TFEC: variants seen among roughly 807,000 people sequenced by gnomAD.
TFEC encodes class E basic helix-loop-helix protein 34.
A neutral mutation model predicts 41.6 loss-of-function variants in TFEC; 31 were observed. The observed-to-expected ratio is 0.74, with a 90% CI of 0.56 to 1.01. The LOEUF (loss-of-function observed/expected upper bound fraction) is 1.01. TFEC is among the 50% of genes least tolerant of loss of function. The probability of loss-of-function intolerance (pLI) is 0.00; values close to 1 mark genes in which losing one functional copy is unlikely to be tolerated. For missense variants in TFEC, 402 were observed against 404.1 expected (o/e 0.99, Z 0.04); for synonymous variants, 143 against 140.6 (o/e 1.02, Z -0.12).
At chr7:115,940,957 A>C (rs1401258404) in intron 7 of TFEC, 26 bp from the exon 8 acceptor site, 1 of 1,537,816 alleles carries the variant, frequency 6.5e-7, no homozygotes, top group Admixed American at 2.1e-5. Flanking sequence ...AAAATCATTA[A>C]ATAATGTCTT....
intron 3 of TFEC, among the ~76,000 whole-genome samples, chr7:116,044,145 T>C (rs563525674): frequency 6.6e-6 from 1 of 152,226 alleles, no homozygotes; most frequent in East Asian, 1.9e-4. Flanking sequence ...AGTTGTAAAC[T>C]TGGGCCTCTG....
In TFEC at chr7:115,994,383, G is replaced by A. The variant is rs148804068; in HGVS notation, c.-72-9870C>T. Among the ~76,000 whole-genome samples, 916 of 152,248 alleles carry A rather than the reference G, an allele frequency of 6.0e-3. 10 individuals are homozygous for A. Among genetic ancestry groups the A allele is most frequent in the African/African-American group, 0.02 (823 of 41,530 alleles). ...GATCTAATTAAACTAAAGAGCTTCC[G>A]CACAGCAATGGAAACTACCATCAGA... On this transcript the variant is annotated intron_variant, in intron 1 of 7. Transcript: ENST00000265440.
chr7:116,096,157 G>A (rs1053311787), intron 3 of TFEC, among the ~76,000 whole-genome samples: 1 of 151,886 alleles, frequency 6.6e-6, no homozygotes, highest in African/African-American at 2.4e-5. Flanking sequence ...GATTTCTACT[G>A]TCTTATGGGC....
chr7:116,051,589 T>C (rs1796313603), intron 3 of TFEC, among the ~76,000 whole-genome samples: 2 of 152,230 alleles, frequency 1.3e-5, no homozygotes, highest in South Asian at 4.1e-4. Context: ...TGTCAATATA[T>C]ATCTGATGGG....
At chr7:116,149,638 T>C (rs999446891) in intron 1 of TFEC, among the ~76,000 whole-genome samples, 1 of 152,142 alleles carries the variant, frequency 6.6e-6, no homozygotes, top group Non-Finnish European at 1.5e-5. Flanking sequence ...GTGGAGAAAA[T>C]TAGTATCATT....
chr7:116,151,473 C>T (rs773293199), intron 1 of TFEC, among the ~76,000 whole-genome samples: 22 of 152,016 alleles, frequency 1.4e-4, no homozygotes, highest in Admixed American at 3.3e-4. Flanking sequence ...GAACTCTTGT[C>T]CTCAAGTGAT....
At chr7:115,987,526 TC>T (rs1793912546) in intron 1 of TFEC, among the ~76,000 whole-genome samples, 1 of 152,206 alleles carries the variant, frequency 6.6e-6, no homozygotes, top group Non-Finnish European at 1.5e-5. Context: ...TGTTTGAGTA[TC>T]AAGCATGTGT....
At chr7:116,131,364 C>T (rs376159956) in intron 1 of TFEC, among the ~76,000 whole-genome samples, 2 of 152,254 alleles carry the variant, frequency 1.3e-5, no homozygotes, top group South Asian at 2.1e-4. Flanking sequence ...TAGGAACCCA[C>T]TAATTAGGAC....
chr7:115,995,342 A>AT (rs1240690093), intron 1 of TFEC, among the ~76,000 whole-genome samples: 2 of 152,160 alleles, frequency 1.3e-5, no homozygotes, highest in Non-Finnish European at 2.9e-5. Context: ...CTTAAAGTAT[A>AT]TTAAAAAAAA....
At chr7:116,015,336 T>C (rs916126836) in intron 1 of TFEC, among the ~76,000 whole-genome samples, 3 of 152,000 alleles carry the variant, frequency 2.0e-5, no homozygotes, top group African/African-American at 7.2e-5. Context: ...GCTCTAATAG[T>C]AGAAGTTATA....
At chr7:116,129,574 C>T (rs922768651) in intron 1 of TFEC, among the ~76,000 whole-genome samples, 2 of 149,958 alleles carry the variant, frequency 1.3e-5, no homozygotes, top group African/African-American at 4.9e-5. Flanking sequence ...CTTTGTATTC[C>T]CAATATTCTT....
chr7:115,954,509 TATA>T (rs1792113826), intron 5 of TFEC, 74 bp downstream of exon 5: 1 of 1,193,566 alleles, frequency 8.4e-7, no homozygotes, highest in African/African-American at 1.6e-5. Context: ...ACTTATGGAG[TATA>T]ATAAAAGACC....
At chr7:116,053,318 A>T (rs374339827) in intron 3 of TFEC, among the ~76,000 whole-genome samples, 1 of 152,196 alleles carries the variant, frequency 6.6e-6, no homozygotes. Context: ...TTATCTGTGC[A>T]TATACAGCAT....
At chr7:116,115,118 T>G (rs1364637643) in intron 1 of TFEC, among the ~76,000 whole-genome samples, 4 of 152,006 alleles carry the variant, frequency 2.6e-5, no homozygotes, top group African/African-American at 9.7e-5. Flanking sequence ...TTCTGGATGT[T>G]AAGATGTATT....
At chr7:116,065,757 T>G (rs1426032236) in intron 3 of TFEC, among the ~76,000 whole-genome samples, 1 of 152,100 alleles carries the variant, frequency 6.6e-6, no homozygotes, top group Non-Finnish European at 1.5e-5. Context: ...AAAAGAAGAA[T>G]TTATATCAAA....
chr7:116,005,815 C>A (rs917746756), intron 1 of TFEC, among the ~76,000 whole-genome samples: 11 of 152,142 alleles, frequency 7.2e-5, no homozygotes, highest in African/African-American at 2.7e-4. Context: ...TCAGAGGTTT[C>A]TGAGGAAAAA....
intron 5 of TFEC, among the ~76,000 whole-genome samples, chr7:115,952,143 A>T (rs558071257): frequency 1.3e-5 from 2 of 152,138 alleles, no homozygotes; most frequent in Non-Finnish European, 2.9e-5. Flanking sequence ...AAAGCAAATT[A>T]CATGAATGAA....
At chr7:115,948,118 G>A (rs1584560841) in intron 6 of TFEC, among the ~76,000 whole-genome samples, 1 of 151,856 alleles carries the variant, frequency 6.6e-6, no homozygotes, top group Non-Finnish European at 1.5e-5. Flanking sequence ...TAAATTCCTC[G>A]ACATATACAC....
chr7:116,089,599 G>A (rs2131084062), intron 3 of TFEC, among the ~76,000 whole-genome samples: 1 of 150,414 alleles, frequency 6.6e-6, no homozygotes, highest in Admixed American at 6.6e-5. Context: ...GTGAACTTAA[G>A]AATGTAAGTA....
Sources: allele counts gnomAD v4.1 joint callset (sites outside exome capture counted in the v4.1 genomes callset), GRCh38; gene constraint gnomAD v4.1.1; transcripts MANE v1.5; gene names NCBI Gene and HGNC (gene_info 2026-07-23, HGNC 2026-07-21).